The following C14orf39 variants were observed in gnomAD, a reference collection of about 807,000 sequenced individuals.
C14orf39 encodes chromosome 14 open reading frame 39.
Under a neutral mutation model 85.6 loss-of-function variants are expected in C14orf39, and 66 were observed. That is an observed-to-expected ratio of 0.77 (90% CI 0.63 to 0.95). The LOEUF is 0.95. C14orf39 is among the 40% of genes least tolerant of loss of function. C14orf39 has a pLI of 0.00. For synonymous variants in C14orf39, 242 were observed against 214.0 expected (o/e 1.13, Z -1.14); for missense variants, 735 against 663.9 (o/e 1.11, Z -1.18).
chr14:60,492,259 CT>C (rs1423800584), intron 2 of C14orf39, among the ~76,000 whole-genome samples: 5 of 152,168 alleles, frequency 3.3e-5, no homozygotes, highest in Admixed American at 1.3e-4. Flanking sequence ...AAGTTATGGC[CT>C]TTTTCTCTCC....
intron 1 of C14orf39, among the ~76,000 whole-genome samples, chr14:60,502,108 T>C (rs1893156767): frequency 1.3e-5 from 2 of 152,228 alleles, no homozygotes; most frequent in South Asian, 2.1e-4. Flanking sequence ...TTGAGAAACA[T>C]CATTGCCCTA....
At position 60,457,040 on chromosome 14, in the gene C14orf39, TCTA is replaced by T. The variant is rs760326576; in HGVS notation, c.1232_1234del (p.Val411del). ...TCGTGGAAAATTCTCAGCTCTCTCT[TCTA>T]CTTCATCACTATCATTTTCTACTGA... On this transcript the variant is annotated inframe_deletion, in exon 15 of 18. Coordinates refer to ENST00000321731, the MANE Select transcript of C14orf39 (RefSeq NM_174978.3). 37 of 1,609,772 alleles carry T rather than the reference TCTA, an allele frequency of 2.3e-5. 1 individual carries two copies. Among genetic ancestry groups the T allele is most frequent in the Admixed American group, 1.3e-4 (8 of 59,502 alleles).
chr14:60,506,045 T>C (rs1253797422), intron 1 of C14orf39, among the ~76,000 whole-genome samples: 2 of 152,184 alleles, frequency 1.3e-5, no homozygotes, highest in African/African-American at 2.4e-5. Flanking sequence ...TTGGACATCA[T>C]CTTCTACATG....
At chr14:60,506,681 G>C (rs1893208347) in intron 1 of C14orf39, among the ~76,000 whole-genome samples, 1 of 152,134 alleles carries the variant, frequency 6.6e-6, no homozygotes, top group African/African-American at 2.4e-5. Context: ...CCAACCTCCA[G>C]GCACTTCTCA....
intron 4 of C14orf39, among the ~76,000 whole-genome samples, chr14:60,481,734 T>TATTA (rs1173556302): frequency 6.6e-6 from 1 of 152,210 alleles, no homozygotes; most frequent in Non-Finnish European, 1.5e-5. Context: ...TCTGCACATG[T>TATTA]ATTAGACTTG....
At chr14:60,514,684 C>T (rs1328349579) in intron 1 of C14orf39, among the ~76,000 whole-genome samples, 2 of 152,182 alleles carry the variant, frequency 1.3e-5, no homozygotes, top group African/African-American at 4.8e-5. Context: ...AAATGACAGG[C>T]AAAGAGCTCA....
intron 11 of C14orf39, among the ~76,000 whole-genome samples, chr14:60,464,583 A>G (rs1891693862): frequency 6.6e-6 from 1 of 152,016 alleles, no homozygotes; most frequent in South Asian, 2.1e-4. Context: ...TTCTTGGTAA[A>G]TTGTTCTTTT....
At chr14:60,452,124 T>G (rs1449740027) in intron 16 of C14orf39, among the ~76,000 whole-genome samples, 2 of 145,708 alleles carry the variant, frequency 1.4e-5, no homozygotes, top group Non-Finnish European at 3.0e-5. Flanking sequence ...GAGGTGGAGG[T>G]TGCAGTGAGC....
intron 1 of C14orf39, 51 bp downstream of exon 1, chr14:60,485,894 A>G (rs8020587): frequency 0.82 from 125,767 of 152,786 alleles, 53,382 homozygotes; most frequent in Non-Finnish European, 0.92. Flanking sequence ...TCCCCCTCAG[A>G]GCCGCCGGCC....
intron 11 of C14orf39, among the ~76,000 whole-genome samples, chr14:60,462,035 T>C (rs1891557728): frequency 6.6e-6 from 1 of 152,118 alleles, no homozygotes; most frequent in South Asian, 2.1e-4. Flanking sequence ...CCTTTTTATA[T>C]ACACATAAAA....
Position 60,466,002 on chromosome 14 carries a change from T to C in C14orf39, c.949A>G (p.Arg317Gly). 1.3e-6 allele frequency: 2 copies of C among 1,562,764 alleles called. No homozygotes were observed. Among genetic ancestry groups the C allele is most frequent in the Non-Finnish European group, 1.7e-6 (2 of 1,158,952 alleles). ...ACCTGTGTATCATTTTCTTTTTGTC[T>C]AAAGTCAATATTGGCAAGCTTTGAC... ...KQSKLANIDF[R>G]QKENDTQIFN... The change falls in exon 11 of 18, where the codon AGA (arginine) becomes GGA (glycine). Residue 317 changes from arginine (R) to glycine (G), a missense_variant. Physicochemically the swap from Arg to Gly is moderately radical, Grantham distance 125. Coordinates refer to ENST00000321731, the MANE Select transcript of C14orf39 (RefSeq NM_174978.3).
intron 1 of C14orf39, among the ~76,000 whole-genome samples, chr14:60,506,375 A>G (rs192447633): frequency 9.2e-5 from 14 of 152,360 alleles, no homozygotes; most frequent in African/African-American, 3.4e-4. Context: ...AAATTAAGAA[A>G]AGCCAGCCCG....
chr14:60,444,142 C>T (rs745985866), intron 16 of C14orf39, among the ~76,000 whole-genome samples: 1 of 152,156 alleles, frequency 6.6e-6, no homozygotes, highest in Non-Finnish European at 1.5e-5. Flanking sequence ...GCCTCTTCTC[C>T]TCAAAAGGAT....
chr14:60,471,498 T>A, intron 6 of C14orf39, 39 bp from the exon 7 acceptor site: 1 of 1,576,790 alleles, frequency 6.3e-7, no homozygotes, highest in Non-Finnish European at 8.6e-7. Flanking sequence ...ATTATTATAT[T>A]CTTTTCATTA....
chr14:60,487,834 A>C (rs898663101), upstream of C14orf39, among the ~76,000 whole-genome samples: 14 of 151,894 alleles, frequency 9.2e-5, no homozygotes, highest in Non-Finnish European at 1.6e-4. Flanking sequence ...GACGTATCCT[A>C]TTGTGGTTTT....
chr14:60,437,634 C>A (rs1024946464), intron 17 of C14orf39, among the ~76,000 whole-genome samples: 3 of 151,658 alleles, frequency 2.0e-5, no homozygotes, highest in Admixed American at 6.6e-5. Context: ...GTGGGACTAA[C>A]CAAAATAAAA....
chr14:60,470,519 T>C (rs1344057117), intron 7 of C14orf39, among the ~76,000 whole-genome samples: 3 of 151,904 alleles, frequency 2.0e-5, no homozygotes, highest in Non-Finnish European at 4.4e-5. Context: ...CCTACCTCCA[T>C]TCACCTCTTC....
chr14:60,503,409 A>G (rs1042319285), intron 1 of C14orf39, among the ~76,000 whole-genome samples: 2 of 152,214 alleles, frequency 1.3e-5, no homozygotes, highest in Admixed American at 6.5e-5. Context: ...GGCAGGCATT[A>G]ACCACTATTT....
chr14:60,483,269 A>C (rs1892726954), intron 4 of C14orf39, among the ~76,000 whole-genome samples: 1 of 152,180 alleles, frequency 6.6e-6, no homozygotes, highest in Non-Finnish European at 1.5e-5. Flanking sequence ...ATTTGTTTCA[A>C]AATGTCTAGA....
Sources: allele counts gnomAD v4.1 joint callset (sites outside exome capture counted in the v4.1 genomes callset), GRCh38; gene constraint gnomAD v4.1.1; transcripts MANE v1.5; gene names NCBI Gene and HGNC (gene_info 2026-07-23, HGNC 2026-07-21).